PCSK5: variants seen among roughly 807,000 people sequenced by gnomAD.
PCSK5 encodes proprotein convertase subtilisin/kexin type 5.
Under a neutral mutation model 233.2 loss-of-function variants are expected in PCSK5, and 129 were observed. The ratio of observed to expected loss-of-function variants is 0.55; its 90% CI spans 0.48 to 0.64. The LOEUF (loss-of-function observed/expected upper bound fraction) is 0.64, where lower values mean the gene tolerates loss of function less well. Ranked by LOEUF, PCSK5 falls within the 30% of genes least tolerant of loss-of-function variation. PCSK5 has a pLI of 0.00. For synonymous variants in PCSK5, 825 were observed against 879.2 expected, an observed-to-expected ratio of 0.94 and a Z score of 1.09; for missense variants, 2,076 against 2,430.1, an observed-to-expected ratio of 0.85 and a Z score of 3.06.
intron 7 of PCSK5, among the ~76,000 whole-genome samples, chr9:76,076,850 A>G (rs1486570490): frequency 2.6e-5 from 4 of 152,214 alleles, no homozygotes; most frequent in Non-Finnish European, 5.9e-5. Flanking sequence ...CTAAGGAGCT[A>G]TAAAATTAAG....
intron 2 of PCSK5, among the ~76,000 whole-genome samples, chr9:75,937,261 C>T (rs1824098340): frequency 6.6e-6 from 1 of 151,772 alleles, no homozygotes; most frequent in East Asian, 1.9e-4. Flanking sequence ...TCACTGCAAC[C>T]TCCGCTTCCC....
At chr9:76,304,520 C>A (rs143356627) in intron 28 of PCSK5, among the ~76,000 whole-genome samples, 1 of 152,310 alleles carries the variant, frequency 6.6e-6, no homozygotes, top group East Asian at 1.9e-4. Context: ...GAAGGAACTA[C>A]AATTTACTGC....
At chr9:76,219,448 C>T (rs1057268216) in intron 20 of PCSK5, among the ~76,000 whole-genome samples, 1 of 152,062 alleles carries the variant, frequency 6.6e-6, no homozygotes, top group Non-Finnish European at 1.5e-5. Flanking sequence ...ATCCATGTGT[C>T]GGTGTTTCAG....
chr9:76,189,150 A>G lies in PCSK5; in HGVS notation c.2437A>G (p.Arg813Gly), dbSNP rs1476401212. ...CTEGYFMEDG[R>G]CVQSCSISYY... Reference sequence around the variant, plus strand: ...AGAGGGCTACTTCATGGAGGATGGGAGATGCGTGCAGAGCTGTAGTATCAG... The same window carrying G: ...AGAGGGCTACTTCATGGAGGATGGGGGATGCGTGCAGAGCTGTAGTATCAG... The change falls in exon 19 of 38, where the codon AGA (arginine) becomes GGA (glycine). Residue 813 changes from arginine (R) to glycine (G), a missense_variant. Transcript: ENST00000674117. 1 of 1,612,230 alleles carries G rather than the reference A, an allele frequency of 6.2e-7. No homozygotes were observed. The highest frequency in any genetic ancestry group is 1.3e-5 in the African/African-American group (1 of 74,902).
intron 24 of PCSK5, among the ~76,000 whole-genome samples, chr9:76,270,505 G>T (rs1399320316): frequency 6.6e-6 from 1 of 152,162 alleles, no homozygotes; most frequent in African/African-American, 2.4e-5. Context: ...GTTCAGCCTT[G>T]GCACAGTATC....
chr9:75,976,228 T>G (rs981475094), intron 2 of PCSK5, among the ~76,000 whole-genome samples: 4 of 151,606 alleles, frequency 2.6e-5, no homozygotes, highest in Non-Finnish European at 5.9e-5. Flanking sequence ...GCTTTTCCTG[T>G]TAATACCCAA....
At chr9:76,303,124 C>T (rs1345929902) in intron 28 of PCSK5, among the ~76,000 whole-genome samples, 1 of 152,080 alleles carries the variant, frequency 6.6e-6, no homozygotes, top group Non-Finnish European at 1.5e-5. Context: ...CCTGCCCAGG[C>T]CTAATTGCTA....
At chr9:76,230,532 C>G (rs1435799700) in intron 21 of PCSK5, among the ~76,000 whole-genome samples, 1 of 152,154 alleles carries the variant, frequency 6.6e-6, no homozygotes, top group Non-Finnish European at 1.5e-5. Flanking sequence ...GGACAGGGGT[C>G]CCCAAACTCC....
At chr9:76,022,747 C>T (rs954020615) in intron 3 of PCSK5, among the ~76,000 whole-genome samples, 1 of 152,170 alleles carries the variant, frequency 6.6e-6, no homozygotes, top group South Asian at 2.1e-4. Flanking sequence ...ATAATGAGCT[C>T]AGGTTCCATG....
At chr9:76,064,145 C>CA (rs1830156287) in intron 5 of PCSK5, among the ~76,000 whole-genome samples, 1 of 91,368 alleles carries the variant, frequency 1.1e-5, no homozygotes, top group Non-Finnish European at 2.4e-5. Flanking sequence ...CTGACCCCCC[C>CA]ACCTCCCTCC....
chr9:76,322,009 G>A (rs1829221083), intron 31 of PCSK5, among the ~76,000 whole-genome samples: 1 of 152,024 alleles, frequency 6.6e-6, no homozygotes, highest in Non-Finnish European at 1.5e-5. Context: ...GAGTGCAATG[G>A]CTCAATCTCA....
rs59860078 is a variant in PCSK5 at position 76,007,796 on chromosome 9, TTGTGTGTGTGTGTGTGTGTG to T, written c.412-15916_412-15897del. 4.0e-4 allele frequency among the ~76,000 whole-genome samples: 51 copies of T among 128,306 alleles called. 1 individual carries two copies. Among genetic ancestry groups the T allele is most frequent in the South Asian group, 2.9e-4 (1 of 3,484 alleles). 84.2% of individuals were successfully genotyped at this position (128,306 alleles called of 152,430 possible). A position where few individuals can be genotyped will look rare whatever the true frequency, so the allele number is the denominator to read the frequency against. On this transcript the variant is annotated intron_variant, in intron 3 of 37. Transcript: ENST00000674117. ...CGCCTGTCACCATGCCCGGCTAATT[TTGTGTGTGTGTGTGTGTGTG>T]TGTGTGTGTGTGTGTGTGTGTGTGT...
intron 3 of PCSK5, among the ~76,000 whole-genome samples, chr9:76,005,104 A>G (rs1827420606): frequency 1.3e-5 from 2 of 152,200 alleles, no homozygotes; most frequent in African/African-American, 4.8e-5. Context: ...GTTATTAACC[A>G]TATCCATACA....
At chr9:76,122,601 T>G (rs1832684974) in intron 9 of PCSK5, among the ~76,000 whole-genome samples, 1 of 152,126 alleles carries the variant, frequency 6.6e-6, no homozygotes, top group Non-Finnish European at 1.5e-5. Context: ...GGGCAATTGT[T>G]GAAATTTCCT....
At chr9:76,262,071 C>A (rs1305501531) in intron 24 of PCSK5, among the ~76,000 whole-genome samples, 1 of 152,150 alleles carries the variant, frequency 6.6e-6, no homozygotes, top group Non-Finnish European at 1.5e-5. Context: ...AGAGGGCATC[C>A]CTGTCTTGTG....
chr9:76,102,530 T>G (rs978753995), intron 8 of PCSK5, among the ~76,000 whole-genome samples: 3 of 152,188 alleles, frequency 2.0e-5, no homozygotes, highest in African/African-American at 7.2e-5. Flanking sequence ...CCCAAAAGTT[T>G]GAGATTTTGG....
intron 3 of PCSK5, among the ~76,000 whole-genome samples, chr9:76,020,908 G>A (rs1340444981): frequency 6.6e-6 from 1 of 152,160 alleles, no homozygotes; most frequent in African/African-American, 2.4e-5. Flanking sequence ...GCCACGGCAG[G>A]TTTTGAAAGG....
rs1420558918 is a variant in PCSK5, at chr9:76,343,331, ATTTGTG to A, written c.4966+4886_4966+4891del. 9.1e-3 allele frequency among the ~76,000 whole-genome samples: 777 copies of A among 85,654 alleles called. 9 individuals carry two copies. Among genetic ancestry groups the A allele is most frequent in the African/African-American group, 0.019 (459 of 24,748 alleles). 56.2% of individuals were successfully genotyped at this position (85,654 alleles called of 152,430 possible). Reference sequence around the variant, plus strand: ...AGGCACACACCACCGCACCTGGGTAATTTGTGTGTGTGTGTGTGTGTGTGTGTGTGT... The same window carrying A: ...AGGCACACACCACCGCACCTGGGTAATGTGTGTGTGTGTGTGTGTGTGTGT... On this transcript the variant is annotated intron_variant, in intron 35 of 37. Transcript: ENST00000674117.
At chr9:75,992,540 T>G (rs918477178) in intron 3 of PCSK5, among the ~76,000 whole-genome samples, 2 of 152,152 alleles carry the variant, frequency 1.3e-5, no homozygotes, top group Non-Finnish European at 2.9e-5. Flanking sequence ...CCAATAATGA[T>G]TTTGGAGAAT....
Sources: gnomAD v4.1 joint callset for allele counts (sites outside exome capture counted in the v4.1 genomes callset) on GRCh38, gnomAD v4.1.1 for gene constraint, MANE v1.5 for transcripts, NCBI Gene and HGNC (gene_info 2026-07-23, HGNC 2026-07-21) for gene names.